NKAIN3: variants seen among roughly 807,000 people sequenced by gnomAD.
NKAIN3 encodes sodium/potassium-transporting ATPase subunit beta-1-interacting protein 3.
In NKAIN3, 25 loss-of-function variants were observed where a neutral mutation model predicts 30.2. That is an observed-to-expected ratio of 0.83 (90% CI 0.60 to 1.16). NKAIN3 has a LOEUF of 1.16. NKAIN3 is among the 50% of genes most tolerant of loss of function. The pLI, the probability that NKAIN3 is intolerant of heterozygous loss-of-function variation, is 0.00. For synonymous variants in NKAIN3, 91 were observed against 89.6 expected, an observed-to-expected ratio of 1.02 and a Z score of -0.09; for missense variants, 225 against 254.1, an observed-to-expected ratio of 0.89 and a Z score of 0.78.
At chr8:62,678,619 A>G (rs1407753297) in intron 3 of NKAIN3, among the ~76,000 whole-genome samples, 1 of 151,434 alleles carries the variant, frequency 6.6e-6, no homozygotes, top group African/African-American at 2.4e-5. Flanking sequence ...TACCATCATT[A>G]TTATATATTG....
At chr8:62,690,215 A>G (rs1813922962) in intron 3 of NKAIN3, among the ~76,000 whole-genome samples, 1 of 151,888 alleles carries the variant, frequency 6.6e-6, no homozygotes, top group African/African-American at 2.4e-5. Flanking sequence ...ATAGCGCCTC[A>G]CCCAGAAATG....
chr8:62,631,366 T>G (rs901716816), intron 3 of NKAIN3, among the ~76,000 whole-genome samples: 1 of 152,192 alleles, frequency 6.6e-6, no homozygotes, highest in Non-Finnish European at 1.5e-5. Context: ...TGGTGAGGGA[T>G]GCTGTCCTTC....
At chr8:62,659,496 A>G (rs141279360) in intron 3 of NKAIN3, among the ~76,000 whole-genome samples, 1,855 of 152,354 alleles carry the variant, frequency 0.012, 19 homozygotes, top group South Asian at 0.028. Flanking sequence ...TGACTATGCC[A>G]TTAATGTGAC....
In NKAIN3 at chr8:62,718,494, C is replaced by A. The variant is rs566514172; in HGVS notation, c.274-28438C>A. Among the ~76,000 whole-genome samples, 12 of 152,196 alleles carry A rather than the reference C, an allele frequency of 7.9e-5. No individual in the cohort carries two copies. In the East Asian group the frequency reaches 2.3e-3, roughly 29 times the overall value. On this transcript the variant is annotated intron_variant, in intron 3 of 6. Coordinates refer to ENST00000623646, the MANE Select transcript of NKAIN3 (RefSeq NM_001304533.3). ...CAATTCACCTTGCTAATTCATGTAT[C>A]TTTTTTCCTTAATTTATTAAACTAA...
intron 1 of NKAIN3, among the ~76,000 whole-genome samples, chr8:62,428,565 ATT>A (rs1015761530): frequency 6.6e-6 from 1 of 151,828 alleles, no homozygotes; most frequent in African/African-American, 2.4e-5. Flanking sequence ...ATAATATCTC[ATT>A]TTGGTTTTGA....
intron 1 of NKAIN3, among the ~76,000 whole-genome samples, chr8:62,568,596 G>A (rs1472222612): frequency 6.6e-6 from 1 of 152,046 alleles, no homozygotes; most frequent in Admixed American, 6.5e-5. Context: ...CCATAAATCT[G>A]TCTATTTGCA....
chr8:62,631,490 A>G (rs1036405392), intron 3 of NKAIN3, among the ~76,000 whole-genome samples: 2 of 152,136 alleles, frequency 1.3e-5, no homozygotes, highest in Admixed American at 6.6e-5. Context: ...TGGTCATGCC[A>G]TTTCTGTATT....
At chr8:62,735,176 A>G (rs924073047) in intron 3 of NKAIN3, among the ~76,000 whole-genome samples, 1 of 152,114 alleles carries the variant, frequency 6.6e-6, no homozygotes. Context: ...GTTTTCCTTG[A>G]CTATTCCCTC....
intron 1 of NKAIN3, among the ~76,000 whole-genome samples, chr8:62,555,011 T>TACACACAC (rs59610407): frequency 0.045 from 6,537 of 144,902 alleles, 161 homozygotes; most frequent in East Asian, 0.083. Context: ...GCAGAATCTA[T>TACACACAC]ACACACACAC....
In NKAIN3 at chr8:62,928,913, C is replaced by T. The variant is rs771278209; in HGVS notation, c.532+10400C>T. ...GGTTCCCTCGCAGACAGGGAGACCCCGAGTAGAAACAGGCAGGAGTTCTCC... is the reference window on the plus strand; with the variant it reads ...GGTTCCCTCGCAGACAGGGAGACCCTGAGTAGAAACAGGCAGGAGTTCTCC... On this transcript the variant is annotated intron_variant, in intron 5 of 6. Coordinates refer to ENST00000623646, the MANE Select transcript of NKAIN3 (RefSeq NM_001304533.3). 5.9e-5 allele frequency among the ~76,000 whole-genome samples: 9 copies of T among 152,112 alleles called. No individual in the cohort carries two copies. In the South Asian group the frequency reaches 1.9e-3, roughly 32 times the overall value.
intron 3 of NKAIN3, among the ~76,000 whole-genome samples, chr8:62,654,290 T>C (rs1258911511): frequency 2.6e-5 from 4 of 150,956 alleles, no homozygotes; most frequent in Non-Finnish European, 5.9e-5. Context: ...AAAAGGCAAA[T>C]AGAAAGGAAA....
chr8:62,338,055 A>G (rs1247669517), intron 1 of NKAIN3, among the ~76,000 whole-genome samples: 1 of 152,028 alleles, frequency 6.6e-6, no homozygotes, highest in Non-Finnish European at 1.5e-5. Context: ...ATATTTTGAT[A>G]TATGTTATTT....
At chr8:62,857,630 A>T (rs1820102597) in intron 4 of NKAIN3, among the ~76,000 whole-genome samples, 1 of 151,992 alleles carries the variant, frequency 6.6e-6, no homozygotes, top group Non-Finnish European at 1.5e-5. Context: ...CTTCCACTTG[A>T]TCTATTCTGC....
chr8:62,589,875 T>TTG (rs35791396), intron 3 of NKAIN3, 81 bp downstream of exon 3: 18,159 of 426,894 alleles, frequency 0.043, 293 homozygotes, highest in African/African-American at 0.094. Flanking sequence ...TATAGGTATA[T>TTG]TGTGTGTGTG....
intron 3 of NKAIN3, among the ~76,000 whole-genome samples, chr8:62,743,224 GTTA>G (rs1563541719): frequency 6.6e-6 from 1 of 152,104 alleles, no homozygotes. Context: ...TGTATAAAAT[GTTA>G]TTTTCTGTGT....
intron 3 of NKAIN3, among the ~76,000 whole-genome samples, chr8:62,724,821 A>C (rs1390650073): frequency 4.6e-5 from 7 of 152,166 alleles, no homozygotes; most frequent in Non-Finnish European, 7.4e-5. Context: ...GCTATTGTGA[A>C]GAGTGCTGCA....
intron 1 of NKAIN3, among the ~76,000 whole-genome samples, chr8:62,566,533 T>C (rs534227245): frequency 1.4e-4 from 21 of 152,278 alleles, no homozygotes; most frequent in African/African-American, 4.8e-4. Context: ...TATATTCTAA[T>C]GGTTGGAGCA....
At chr8:62,596,351 T>A (rs1398373960) in intron 3 of NKAIN3, among the ~76,000 whole-genome samples, 3 of 152,050 alleles carry the variant, frequency 2.0e-5, no homozygotes, top group African/African-American at 4.8e-5. Context: ...TTGGCTTCAA[T>A]ATCCACTGGG....
chr8:62,938,668 C>G (rs1215060082), intron 5 of NKAIN3, among the ~76,000 whole-genome samples: 1 of 152,174 alleles, frequency 6.6e-6, no homozygotes, highest in Non-Finnish European at 1.5e-5. Flanking sequence ...TGTAGTCAGG[C>G]TCTTAGGAAG....
Sources: allele counts gnomAD v4.1 joint callset (sites outside exome capture counted in the v4.1 genomes callset), GRCh38; gene constraint gnomAD v4.1.1; transcripts MANE v1.5; gene names NCBI Gene and HGNC (gene_info 2026-07-23, HGNC 2026-07-21).